SELENBP1: variants seen among roughly 807,000 people sequenced by gnomAD.
SELENBP1 encodes the protein methanethiol oxidase.
In SELENBP1, 71 loss-of-function variants were observed where a neutral mutation model predicts 61.0. That is an observed-to-expected ratio of 1.16 (90% confidence interval 0.96 to 1.42). The LOEUF (loss-of-function observed/expected upper bound fraction) is 1.42. Among genes scored for constraint, SELENBP1 ranks in the 40% most tolerant of loss-of-function variants. SELENBP1 has a pLI of 0.00. For missense variants in SELENBP1, 561 were observed against 605.0 expected, an observed-to-expected ratio of 0.93 and a Z score of 0.76; for synonymous variants, 270 against 238.9, an observed-to-expected ratio of 1.13 and a Z score of -1.20.
In SELENBP1 at chr1:151,368,327, GGGTGGGGAAT is replaced by G. The variant is rs1439083012; in HGVS notation, c.361-18_361-9del. ...GTCCTTGGGCTCAATGACCTGGAAG[GGGTGGGGAAT>G]GGTGTCAGAATCATACAGGACTGGG... On this transcript the variant is annotated splice_polypyrimidine_tract_variant and intron_variant, in intron 4 of 11. Coordinates refer to ENST00000368868, the MANE Select transcript of SELENBP1 (RefSeq NM_003944.4). The G allele has an allele frequency of 3.1e-6, 5 of 1,613,800 alleles. No individual in the cohort carries two copies. Among genetic ancestry groups the G allele is most frequent in the African/African-American group, 1.3e-5 (1 of 74,914 alleles).
intron 1 of SELENBP1, among the ~76,000 whole-genome samples, chr1:151,372,120 G>C (rs377510931): frequency 6.6e-6 from 1 of 152,212 alleles, no homozygotes; most frequent in Non-Finnish European, 1.5e-5. Context: ...GGGTGGGGGA[G>C]GCATTGAAAC....
rs939878901 is a variant in SELENBP1 at position 151,364,505 on chromosome 1, G to C, written c.*38C>G. ...TGAAGCCAGGTCCCCAAGGAAGTGA[G>C]GGCCCAAAATAGGGAGTGTGGGTGA... On this transcript the variant is annotated 3_prime_UTR_variant, in exon 12 of 12. Transcript: ENST00000368868. The C allele has an allele frequency of 6.2e-7, 1 of 1,612,762 alleles. No individual in the cohort carries two copies. Among genetic ancestry groups the C allele is most frequent in the African/African-American group, 1.3e-5 (1 of 74,888 alleles).
At position 151,364,370 on chromosome 1, in the gene SELENBP1, G is replaced by A; in HGVS notation, c.*173C>T. On this transcript the variant is annotated 3_prime_UTR_variant, in exon 12 of 12. Coordinates refer to ENST00000368868, the MANE Select transcript of SELENBP1 (RefSeq NM_003944.4). Reference sequence around the variant, plus strand: ...AGCTCATGGAAAAGCAGCACAGTGAGCAACAAGCAACAGTGGTCAGTAAAT... The same window carrying A: ...AGCTCATGGAAAAGCAGCACAGTGAACAACAAGCAACAGTGGTCAGTAAAT... 1.4e-6 allele frequency: 1 copy of A among 731,654 alleles called. No homozygotes were observed. Among genetic ancestry groups the A allele is most frequent in the Admixed American group, 2.7e-5 (1 of 36,856 alleles). 45.3% of individuals were successfully genotyped at this position (731,654 alleles called of 1,614,324 possible).
chr1:151,367,094 G>C, intron 5 of SELENBP1, 190 bp from the exon 6 acceptor site: 3 of 1,389,492 alleles, frequency 2.2e-6, no homozygotes, highest in Non-Finnish European at 2.8e-6. Flanking sequence ...AGTAATCCCA[G>C]CCCTTTGAGA....
chr1:151,368,953 G>C (rs747413290), intron 4 of SELENBP1, 51 bp downstream of exon 4: 1 of 1,544,154 alleles, frequency 6.5e-7, no homozygotes, highest in East Asian at 2.3e-5. Flanking sequence ...AGACTACCTG[G>C]GGTGGCAGGT....
At chr1:151,366,506 A>T in intron 6 of SELENBP1, 53 bp from the exon 7 acceptor site, 1 of 1,582,414 alleles carries the variant, frequency 6.3e-7, no homozygotes, top group Non-Finnish European at 8.6e-7. Context: ...GTTGGAAGGC[A>T]TGGGCAAAGA....
chr1:151,368,334 G>A lies in SELENBP1; in HGVS notation c.361-15C>T. 1 of 1,613,740 alleles carries A rather than the reference G, an allele frequency of 6.2e-7. No individual in the cohort carries two copies. Among genetic ancestry groups the A allele is most frequent in the Non-Finnish European group, 8.5e-7 (1 of 1,179,676 alleles). ...GGCTCAATGACCTGGAAGGGGTGGGGAATGGTGTCAGAATCATACAGGACT... is the reference window on the plus strand; with the variant it reads ...GGCTCAATGACCTGGAAGGGGTGGGAAATGGTGTCAGAATCATACAGGACT... On this transcript the variant is annotated splice_polypyrimidine_tract_variant and intron_variant, in intron 4 of 11. Transcript: ENST00000368868.
chr1:151,367,021 C>G (rs1348929241), intron 5 of SELENBP1, 117 bp from the exon 6 acceptor site: 12 of 1,493,504 alleles, frequency 8.0e-6, no homozygotes, highest in Non-Finnish European at 1.1e-5. Context: ...TCTACCTCCA[C>G]TGCTGGATTT....
chr1:151,372,670 C>A lies in SELENBP1; in HGVS notation c.-29G>T, dbSNP rs370957781. On this transcript the variant is annotated 5_prime_UTR_variant, in exon 1 of 12. Coordinates refer to ENST00000368868, the MANE Select transcript of SELENBP1 (RefSeq NM_003944.4). ...GCCGACTGGTACACTTTGATCCCGG[C>A]GGGTTTGCTGTGCTGGTGTCAGAGG... 6 of 1,613,960 alleles carry A rather than the reference C, an allele frequency of 3.7e-6. 1 individual carries two copies. The highest frequency in any genetic ancestry group is 1.7e-4 in the Middle Eastern group (1 of 6,056).
chr1:151,369,325 C>T lies in SELENBP1; in HGVS notation c.174+117G>A, dbSNP rs955677916. The T allele has an allele frequency of 3.2e-5, 45 of 1,414,444 alleles. 1 individual carries two copies. The highest frequency in any genetic ancestry group is 4.0e-5 in the Non-Finnish European group (41 of 1,026,382). 87.6% of individuals were successfully genotyped at this position (1,414,444 alleles called of 1,614,324 possible). On this transcript the variant is annotated intron_variant, in intron 3 of 11. Coordinates refer to ENST00000368868, the MANE Select transcript of SELENBP1 (RefSeq NM_003944.4). ...AGCACTCCCCTTGTCCCAGGTTGAG[C>T]GTGCACAAGCATCCCCAGGGAGGGC...
At chr1:151,368,059 A>G in intron 5 of SELENBP1, 140 bp downstream of exon 5, 1 of 1,088,642 alleles carries the variant, frequency 9.2e-7, no homozygotes, top group Non-Finnish European at 1.3e-6. Context: ...CATTTAAAAT[A>G]CTGGCTGGGA....
chr1:151,365,348 G>A, intron 9 of SELENBP1, 67 bp from the exon 10 acceptor site: 1 of 1,527,892 alleles, frequency 6.5e-7, no homozygotes, highest in Non-Finnish European at 9.0e-7. Context: ...AGGAAGAGCA[G>A]CTTGCCTGGC....
chr1:151,366,421 A>G lies in SELENBP1; in HGVS notation c.697T>C (p.Trp233Arg), dbSNP rs1226573768. Reference protein sequence around the residue: ...LYGSHLYVWDWQRHEIVQTLS... With the variant: ...LYGSHLYVWDRQRHEIVQTLS... The stretch of plus-strand genomic sequence containing the variant: ...GTCTGCACAATCTCATGGCGCTGCC[A>G]GTCCCATACATATAAGTGGCTCCCG... Residue 233 changes from tryptophan to arginine, a missense_variant, in exon 7 of 12, where the codon TGG (tryptophan) becomes CGG (arginine). By Grantham distance (101) the Trp-to-Arg change is moderately radical (BLOSUM62 -3). Coordinates refer to ENST00000368868, the MANE Select transcript of SELENBP1 (RefSeq NM_003944.4). 7 of 1,613,910 alleles carry G rather than the reference A, an allele frequency of 4.3e-6. No individual in the cohort carries two copies. The highest frequency in any genetic ancestry group is 5.9e-6 in the Non-Finnish European group (7 of 1,180,044).
chr1:151,372,668 G>C lies in SELENBP1; in HGVS notation c.-27C>G. Reference sequence around the variant, plus strand: ...CTGCCGACTGGTACACTTTGATCCCGGCGGGTTTGCTGTGCTGGTGTCAGA... The same window carrying C: ...CTGCCGACTGGTACACTTTGATCCCCGCGGGTTTGCTGTGCTGGTGTCAGA... On this transcript the variant is annotated 5_prime_UTR_variant, in exon 1 of 12. Transcript: ENST00000368868. 6.2e-7 allele frequency: 1 copy of C among 1,613,948 alleles called. No homozygotes were observed. Among genetic ancestry groups the C allele is most frequent in the Non-Finnish European group, 8.5e-7 (1 of 1,179,918 alleles).
chr1:151,367,001 G>A (rs1211474968), intron 5 of SELENBP1, 97 bp from the exon 6 acceptor site: 2 of 1,522,796 alleles, frequency 1.3e-6, no homozygotes, highest in African/African-American at 1.4e-5. Context: ...GAGGCTGTAA[G>A]CCCATTGCCT....
chr1:151,369,604 T>G (rs778835358), intron 2 of SELENBP1, 50 bp from the exon 3 acceptor site: 1 of 1,560,234 alleles, frequency 6.4e-7, no homozygotes, highest in East Asian at 2.4e-5. Flanking sequence ...GAAGGAAAGG[T>G]AGGGGAAGTG....
chr1:151,372,352 G>T (rs1425013528), intron 1 of SELENBP1, among the ~76,000 whole-genome samples: 1 of 152,202 alleles, frequency 6.6e-6, no homozygotes, highest in East Asian at 1.9e-4. Context: ...TTTCCCAGCT[G>T]CAGAAAGGCA....
intron 6 of SELENBP1, 117 bp downstream of exon 6, chr1:151,366,605 T>C: frequency 7.1e-7 from 1 of 1,415,724 alleles, no homozygotes; most frequent in Non-Finnish European, 9.8e-7. Flanking sequence ...GTACATCCTA[T>C]GCCATCTCTC....
Position 151,366,326 on chromosome 1 carries a change from G to C in SELENBP1, c.792C>G (p.Gly264=). The C allele has an allele frequency of 6.2e-7, 1 of 1,614,180 alleles. No homozygotes were observed. Residue 264 remains glycine (G), a synonymous_variant, in exon 7 of 12, where the codon GGC becomes GGG. Transcript: ENST00000368868. ...TGGAGCTGAGTGCGCAGCCCACAAA[G>C]CCTTGGGCAGCGTCTGGGTTGTGCA... ...RFLHNPDAAQ[G]FVGCALSSTI... is the part of the protein sequence containing the mutation.
Sources: allele counts gnomAD v4.1 joint callset (sites outside exome capture counted in the v4.1 genomes callset), GRCh38; gene constraint gnomAD v4.1.1; transcripts MANE v1.5; gene names NCBI Gene and HGNC (gene_info 2026-07-23, HGNC 2026-07-21).